The following SMC5 variants were observed in gnomAD, a reference collection of about 807,000 sequenced individuals.
The protein encoded by SMC5 is structural maintenance of chromosomes 5.
Under a neutral mutation model 148.3 loss-of-function variants are expected in SMC5, and 88 were observed. The observed-to-expected ratio is 0.59, with a 90% CI of 0.50 to 0.71. SMC5 has a LOEUF of 0.71. Among genes scored for constraint, SMC5 ranks in the 30% least tolerant of loss-of-function variants. SMC5 has a pLI of 0.00. For missense variants in SMC5, 1,142 were observed against 1,298.9 expected (o/e 0.88, Z 1.86); for synonymous variants, 421 against 432.8 (o/e 0.97, Z 0.34).
chr9:70,311,157 G>A (rs1478912757), intron 11 of SMC5: 2 of 152,112 alleles, frequency 1.3e-5, no homozygotes, highest in Non-Finnish European at 2.9e-5. Flanking sequence ...CTCAACTTTT[G>A]TCATGCCTTC....
Position 70,262,626 on chromosome 9 carries a change from T to C in SMC5, c.186-1678T>C, listed in dbSNP as rs2034170332. ...TTAAATGTGTTAAGTTTAAGATGAC[T>C]GTTATGGGACATTCAAATAGCGTTA... On this transcript the variant is annotated intron_variant, in intron 1 of 24. Transcript: ENST00000361138. 4.6e-5 allele frequency among the ~76,000 whole-genome samples: 7 copies of C among 152,218 alleles called. 1 individual carries two copies. The South Asian group carries it at 1.5e-3, about 32-fold the overall frequency.
intron 17 of SMC5, among the ~76,000 whole-genome samples, chr9:70,326,778 C>T (rs569247717): frequency 5.9e-5 from 9 of 151,718 alleles, no homozygotes; most frequent in African/African-American, 2.2e-4. Flanking sequence ...ATGCATCTAA[C>T]TTTGTTTTGA....
rs1369660346 is a variant in SMC5 at position 70,314,745 on chromosome 9, C to T, written c.1582C>T (p.Arg528Cys). 4.0e-6 allele frequency: 6 copies of T among 1,518,252 alleles called. No homozygotes were observed. The highest frequency in any genetic ancestry group is 1.9e-5 in the Admixed American group (1 of 51,978). The allele number at this position is 1,518,252 out of a possible 1,614,324, so 94.0% of individuals were successfully genotyped here. A position where few individuals can be genotyped will look rare whatever the true frequency, so the allele number is the denominator to read the frequency against. ...EDMEVFLKEV[R>C]DNKKLRVNAV... ...ATTTTCTTTTCCCTATATTCAGGTTCGTGACAATAAAAAATTAAGAGTAAA... is the reference window on the plus strand; with the variant it reads ...ATTTTCTTTTCCCTATATTCAGGTTTGTGACAATAAAAAATTAAGAGTAAA... The change falls in exon 12 of 25, where the codon CGT (arginine) becomes TGT (cysteine). Residue 528 changes from arginine (R) to cysteine (C), a missense_variant. Around this residue, in one of 5 missense-constraint regions of SMC5, gnomAD observed 743 missense variants for 835.7 expected, o/e 0.89. Transcript: ENST00000361138.
intron 3 of SMC5, among the ~76,000 whole-genome samples, chr9:70,273,851 T>G (rs1391448604): frequency 6.6e-6 from 1 of 152,242 alleles, no homozygotes; most frequent in Non-Finnish European, 1.5e-5. Flanking sequence ...AATTGTTCTT[T>G]GGCTAAAAGA....
chr9:70,293,394 T>G (rs959674571), intron 8 of SMC5, among the ~76,000 whole-genome samples: 3 of 151,916 alleles, frequency 2.0e-5, no homozygotes, highest in Non-Finnish European at 2.9e-5. Context: ...TTTTATTGAT[T>G]TTTTTCAAGG....
chr9:70,300,681 TTGA>T (rs1202452584), intron 10 of SMC5, among the ~76,000 whole-genome samples: 2 of 152,146 alleles, frequency 1.3e-5, no homozygotes, highest in Non-Finnish European at 2.9e-5. Context: ...ATAGCTTTTG[TTGA>T]TGATTGCGGG....
At chr9:70,327,209 G>A (rs1358073898) in intron 17 of SMC5, among the ~76,000 whole-genome samples, 1 of 152,114 alleles carries the variant, frequency 6.6e-6, no homozygotes, top group Non-Finnish European at 1.5e-5. Flanking sequence ...TCCAGGAGAA[G>A]AAATGTTTAT....
rs543776486 is a variant in SMC5, at chr9:70,328,421, A to G, written c.2397+4278A>G. 4.6e-5 allele frequency among the ~76,000 whole-genome samples: 7 copies of G among 152,330 alleles called. No homozygotes were observed. In the East Asian group the frequency reaches 1.4e-3, roughly 29 times the overall value. ...CTTTCAAAAAGGGAGAAATCAGCCAAAACGAAGGAACTACAGGCCCCACAC... is the reference window on the plus strand; with the variant it reads ...CTTTCAAAAAGGGAGAAATCAGCCAGAACGAAGGAACTACAGGCCCCACAC... On this transcript the variant is annotated intron_variant, in intron 17 of 24. Transcript: ENST00000361138.
chr9:70,287,733 G>C (rs1308751772), intron 8 of SMC5, among the ~76,000 whole-genome samples: 1 of 152,194 alleles, frequency 6.6e-6, no homozygotes, highest in East Asian at 1.9e-4. Context: ...GGTTGTGTAT[G>C]TTGGGAGAAG....
chr9:70,289,961 C>G (rs566626463), intron 8 of SMC5, among the ~76,000 whole-genome samples: 80 of 151,704 alleles, frequency 5.3e-4, no homozygotes, highest in African/African-American at 1.8e-3. Context: ...GCTCCAAAAC[C>G]CAAAACCGTT....
At chr9:70,332,646 C>T (rs1335475613) in intron 17 of SMC5, among the ~76,000 whole-genome samples, 5 of 151,626 alleles carry the variant, frequency 3.3e-5, no homozygotes, top group Non-Finnish European at 7.4e-5. Context: ...CTAAAAAGAA[C>T]TACAGACTAA....
intron 10 of SMC5, among the ~76,000 whole-genome samples, chr9:70,303,824 A>G (rs1362052878): frequency 1.3e-5 from 2 of 152,202 alleles, no homozygotes; most frequent in African/African-American, 2.4e-5. Context: ...AGATTATAGT[A>G]CATAAATACC....
At chr9:70,317,040 C>G (rs1485658655) in intron 13 of SMC5, among the ~76,000 whole-genome samples, 2 of 152,018 alleles carry the variant, frequency 1.3e-5, no homozygotes, top group Admixed American at 6.6e-5. Context: ...TGATGATATA[C>G]TTTTCAGACA....
At chr9:70,265,062 T>C (rs1188135911) in intron 2 of SMC5, among the ~76,000 whole-genome samples, 1 of 152,142 alleles carries the variant, frequency 6.6e-6, no homozygotes, top group Non-Finnish European at 1.5e-5. Context: ...CGTAGGGCAC[T>C]TAACCATATT....
chr9:70,314,120 T>A (rs2035732712), intron 11 of SMC5, among the ~76,000 whole-genome samples: 1 of 145,136 alleles, frequency 6.9e-6, no homozygotes, highest in Non-Finnish European at 1.6e-5. Flanking sequence ...TGCAGCTCCC[T>A]TCTTCCAAGA....
At chr9:70,344,040 CATT>C in intron 17 of SMC5, 101 bp from the exon 18 acceptor site, 1 of 616,966 alleles carries the variant, frequency 1.6e-6, no homozygotes, top group Non-Finnish European at 2.4e-6. Flanking sequence ...ATTTGATTAT[CATT>C]ATAATCAGAA....
At chr9:70,268,479 A>G (rs1202352008) in intron 3 of SMC5, among the ~76,000 whole-genome samples, 2 of 150,632 alleles carry the variant, frequency 1.3e-5, no homozygotes, top group Non-Finnish European at 3.0e-5. Flanking sequence ...AAAACTTGTG[A>G]GAATTTTATT....
At chr9:70,317,312 G>A (rs2035829415) in intron 13 of SMC5, among the ~76,000 whole-genome samples, 1 of 151,960 alleles carries the variant, frequency 6.6e-6, no homozygotes, top group Admixed American at 6.6e-5. Flanking sequence ...TCCTATTTAT[G>A]GAATTGTTCT....
intron 17 of SMC5, among the ~76,000 whole-genome samples, chr9:70,336,043 T>C (rs1181390491): frequency 6.6e-6 from 1 of 152,188 alleles, no homozygotes; most frequent in East Asian, 1.9e-4. Context: ...CTTTTTACCC[T>C]TCCCCATCTA....
Sources: allele counts gnomAD v4.1 joint callset (sites outside exome capture counted in the v4.1 genomes callset), GRCh38; gene constraint gnomAD v4.1.1; regional missense constraint gnomAD v4.1.1; transcripts MANE v1.5; gene names NCBI Gene and HGNC (gene_info 2026-07-23, HGNC 2026-07-21).